Variants in VEGFC observed in about 807,000 individuals in gnomAD.
VEGFC encodes vascular endothelial growth factor C, also known as FLT4 ligand DHM.
VEGFC carries 12 observed loss-of-function variants against 46.1 expected under a neutral mutation model. The observed-to-expected ratio is 0.26, with a 90% CI of 0.17 to 0.42. The LOEUF (loss-of-function observed/expected upper bound fraction) is 0.42. VEGFC is among the 10% of genes least tolerant of loss of function. The probability of loss-of-function intolerance (pLI) is 1.00; values close to 1 mark genes in which losing one functional copy is unlikely to be tolerated. For synonymous variants in VEGFC, 232 were observed against 195.5 expected (o/e 1.19, Z -1.56); for missense variants, 488 against 529.4 (o/e 0.92, Z 0.77).
rs1228514267 is a variant in VEGFC at position 176,729,888 on chromosome 4, T to C, written c.148-142A>G. ...ATTAATTACTCCTAAATTACTTCACTTTCCTTGGTAAAATTATATTTGTAT... is the reference window on the plus strand; with the variant it reads ...ATTAATTACTCCTAAATTACTTCACCTTCCTTGGTAAAATTATATTTGTAT... On this transcript the variant is annotated intron_variant, in intron 1 of 6. Transcript: ENST00000618562. 5 of 472,306 alleles carry C rather than the reference T, an allele frequency of 1.1e-5. No individual in the cohort carries two copies. In the East Asian group the frequency reaches 1.8e-4, roughly 17 times the overall value. The allele number at this position is 472,306 out of a possible 1,614,324, so 29.3% of individuals were successfully genotyped here. A position where few individuals can be genotyped will look rare whatever the true frequency, so the allele number is the denominator to read the frequency against.
At chr4:176,735,996 C>T (rs1735046933) in intron 1 of VEGFC, among the ~76,000 whole-genome samples, 1 of 151,860 alleles carries the variant, frequency 6.6e-6, no homozygotes, top group Admixed American at 6.6e-5. Context: ...TGCACCTGTT[C>T]ATTCAAAAGC....
intron 4 of VEGFC, among the ~76,000 whole-genome samples, chr4:176,697,131 A>C (rs369181703): frequency 6.6e-6 from 1 of 151,736 alleles, no homozygotes; most frequent in Non-Finnish European, 1.5e-5. Flanking sequence ...AAAATTGATA[A>C]ATGGGATCTA....
intron 1 of VEGFC, among the ~76,000 whole-genome samples, chr4:176,771,567 T>A (rs1356559276): frequency 6.6e-6 from 1 of 152,218 alleles, no homozygotes; most frequent in East Asian, 1.9e-4. Context: ...GAGCTTATGT[T>A]TTCCATTTTT....
In VEGFC at chr4:176,792,316, G is replaced by T; in HGVS notation, c.-5C>A. 1 of 1,493,316 alleles carries T rather than the reference G, an allele frequency of 6.7e-7. No homozygotes were observed. The highest frequency in any genetic ancestry group is 8.9e-7 in the Non-Finnish European group (1 of 1,121,922). The allele number at this position is 1,493,316 out of a possible 1,614,324, so 92.5% of individuals were successfully genotyped here. On this transcript the variant is annotated 5_prime_UTR_variant, in exon 1 of 7. Coordinates refer to ENST00000618562, the MANE Select transcript of VEGFC (RefSeq NM_005429.5). This position sits in a 1 kb window ranked among gnomAD's most constrained non-coding sequence, Gnocchi z 6.3. Reference sequence around the variant, plus strand: ...GAAGAAGCCCAGCAAGTGCATGGTGGAAGGACCGGGGGTGGGGGACCGGTC... The same window carrying T: ...GAAGAAGCCCAGCAAGTGCATGGTGTAAGGACCGGGGGTGGGGGACCGGTC...
At chr4:176,740,481 A>ATAGAGAG (rs1735152406) in intron 1 of VEGFC, among the ~76,000 whole-genome samples, 1 of 114,520 alleles carries the variant, frequency 8.7e-6, no homozygotes, top group Admixed American at 1.2e-4. Context: ...TATATTCTAT[A>ATAGAGAG]TATAGAGAGT....
intron 1 of VEGFC, among the ~76,000 whole-genome samples, chr4:176,764,119 A>G (rs775032580): frequency 3.9e-5 from 6 of 152,204 alleles, no homozygotes; most frequent in Non-Finnish European, 8.8e-5. Context: ...ACAAACACCT[A>G]TTTGAAGATA....
Position 176,683,923 on chromosome 4 carries a change from A to G in VEGFC, c.*3T>C, listed in dbSNP as rs534927635. ...AATCGATGAACTGGAAAACAGTACAATCTTAGCTCATTTGTGGTCTTTTCC... is the reference window on the plus strand; with the variant it reads ...AATCGATGAACTGGAAAACAGTACAGTCTTAGCTCATTTGTGGTCTTTTCC... On this transcript the variant is annotated 3_prime_UTR_variant, in exon 7 of 7. Transcript: ENST00000618562. The G allele has an allele frequency of 7.9e-5, 127 of 1,608,178 alleles. No homozygotes were observed. The East Asian group carries it at 2.7e-3, about 34-fold the overall frequency.
intron 1 of VEGFC, among the ~76,000 whole-genome samples, chr4:176,734,197 A>C (rs1054265895): frequency 6.6e-6 from 1 of 151,836 alleles, no homozygotes. Context: ...TAATAACTGT[A>C]AAAACTTCTA....
intron 3 of VEGFC, among the ~76,000 whole-genome samples, chr4:176,724,156 T>C (rs1216173099): frequency 6.6e-6 from 1 of 152,226 alleles, no homozygotes; most frequent in Admixed American, 6.5e-5. Context: ...ATTTGAAAAT[T>C]CCACAAGTGT....
intron 4 of VEGFC, among the ~76,000 whole-genome samples, 155 bp from the exon 5 acceptor site, chr4:176,688,082 C>T (rs1417607953): frequency 6.6e-6 from 1 of 152,216 alleles, no homozygotes; most frequent in Non-Finnish European, 1.5e-5. Context: ...CAAACTCTCT[C>T]TACCCACAAC....
chr4:176,690,324 GTTTCT>G (rs1734131583), intron 4 of VEGFC, among the ~76,000 whole-genome samples: 1 of 136,360 alleles, frequency 7.3e-6, no homozygotes, highest in African/African-American at 3.2e-5. Flanking sequence ...TCATCAGCAA[GTTTCT>G]TTTTTTTTTT....
At position 176,792,227 on chromosome 4, in the gene VEGFC, C is replaced by T. The variant is rs1322817809; in HGVS notation, c.85G>A (p.Ala29Thr). The part of the protein sequence containing the change: ...LPGPREAPAA[A>T]AAFESGLDLS... ...TCGAGTCCGGACTCGAAGGCGGCGG[C>T]GGCGGCGGGCGCCTCGCGAGGACCC... is the stretch of plus-strand genomic sequence containing the variant. Residue 29 changes from alanine to threonine, a missense_variant, in exon 1 of 7, where the codon GCC becomes ACC. Physicochemically the swap from Ala to Thr is moderately conservative, Grantham distance 58 (BLOSUM62 0). Transcript: ENST00000618562. This position sits in a 1 kb window ranked among gnomAD's most constrained non-coding sequence, Gnocchi z 6.3. 3 of 1,554,966 alleles carry T rather than the reference C, an allele frequency of 1.9e-6. No individual in the cohort carries two copies. The highest frequency in any genetic ancestry group is 2.5e-5 in the East Asian group (1 of 39,430).
intron 4 of VEGFC, among the ~76,000 whole-genome samples, chr4:176,693,494 T>C (rs1355241388): frequency 2.8e-5 from 4 of 141,886 alleles, no homozygotes; most frequent in Non-Finnish European, 6.0e-5. Flanking sequence ...ACCAAATCTA[T>C]GTCTGATTGG....
At chr4:176,732,706 GA>G (rs1214802852) in intron 1 of VEGFC, among the ~76,000 whole-genome samples, 3,153 of 140,932 alleles carry the variant, frequency 0.022, 103 homozygotes, top group African/African-American at 0.074. Context: ...CACATTCATT[GA>G]AAAAAAAAAA....
chr4:176,768,924 T>A (rs1266962985), intron 1 of VEGFC, among the ~76,000 whole-genome samples: 1 of 151,870 alleles, frequency 6.6e-6, no homozygotes, highest in African/African-American at 2.4e-5. Flanking sequence ...CCACCCCCCG[T>A]GCTGTGGTCT....
At chr4:176,748,908 T>A (rs949903731) in intron 1 of VEGFC, among the ~76,000 whole-genome samples, 9 of 151,920 alleles carry the variant, frequency 5.9e-5, no homozygotes, top group African/African-American at 9.7e-5. Flanking sequence ...AATATTTAAC[T>A]ACAAAAGACT....
At chr4:176,768,865 C>A (rs1444738170) in intron 1 of VEGFC, among the ~76,000 whole-genome samples, 1 of 152,112 alleles carries the variant, frequency 6.6e-6, no homozygotes, top group Non-Finnish European at 1.5e-5. Context: ...AAGGCTGTGG[C>A]ATAAGCTCTC....
intron 3 of VEGFC, among the ~76,000 whole-genome samples, chr4:176,727,064 C>A (rs1404025207): frequency 6.6e-6 from 1 of 152,196 alleles, no homozygotes; most frequent in East Asian, 1.9e-4. Context: ...TCAAACAACA[C>A]TTTCATGGTT....
intron 3 of VEGFC, among the ~76,000 whole-genome samples, chr4:176,727,071 G>A (rs1734883514): frequency 6.6e-6 from 1 of 152,284 alleles, no homozygotes; most frequent in East Asian, 1.9e-4. Flanking sequence ...ACACTTTCAT[G>A]GTTATCGCCA....
Sources: gnomAD v4.1 joint callset for allele counts (sites outside exome capture counted in the v4.1 genomes callset) on GRCh38, gnomAD v4.1.1 for gene constraint, Gnocchi (gnomAD v3.1) non-coding constraint, MANE v1.5 for transcripts, NCBI Gene and HGNC (gene_info 2026-07-23, HGNC 2026-07-21) for gene names.